CTNND2: variants seen among roughly 807,000 people sequenced by gnomAD.
CTNND2 encodes catenin delta 2.
A neutral mutation model predicts 144.4 loss-of-function variants in CTNND2; 22 were observed. That is an observed-to-expected ratio of 0.15 (90% CI 0.11 to 0.22). The LOEUF is 0.22. CTNND2 is among the 10% of genes least tolerant of loss of function. The pLI is 1.00. For synonymous variants in CTNND2, 751 were observed against 695.6 expected, an observed-to-expected ratio of 1.08 and a Z score of -1.25; for missense variants, 1,353 against 1,618.8, an observed-to-expected ratio of 0.84 and a Z score of 2.82.
At chr5:11,417,941 A>C (rs1440926926) in intron 3 of CTNND2, among the ~76,000 whole-genome samples, 6 of 152,172 alleles carry the variant, frequency 3.9e-5, no homozygotes, top group African/African-American at 1.4e-4. Context: ...ATATGACTAC[A>C]TATCATATAT....
chr5:11,557,839 C>G, intron 3 of CTNND2, among the ~76,000 whole-genome samples: 1 of 152,160 alleles, frequency 6.6e-6, no homozygotes, highest in East Asian at 1.9e-4. Context: ...ACCTAATAAT[C>G]CTTGGAACCA....
chr5:11,865,906 A>AAAAAAAAAAAG, intron 1 of CTNND2, among the ~76,000 whole-genome samples: 1 of 149,270 alleles, frequency 6.7e-6, no homozygotes. Context: ...AAGAGACAAA[A>AAAAAAAAAAAG]AAAAAAAAAC....
chr5:10,975,024 C>G (rs999980761), intron 21 of CTNND2, among the ~76,000 whole-genome samples: 1 of 152,144 alleles, frequency 6.6e-6, no homozygotes, highest in Non-Finnish European at 1.5e-5. Context: ...TTCTGTCTAC[C>G]TACAGAAGTC....
chr5:11,079,259 A>AATGGAATCTTGAGCTCTTTGCCTATTG (rs1749285924), intron 16 of CTNND2, among the ~76,000 whole-genome samples: 1 of 121,686 alleles, frequency 8.2e-6, no homozygotes, highest in African/African-American at 3.9e-5. Flanking sequence ...AGTTCCCAAG[A>AATGGAATCTTGAGCTCTTTGCCTATTG]TCACCTGCAC....
chr5:11,671,964 G>A (rs1196317249), intron 2 of CTNND2, among the ~76,000 whole-genome samples: 1 of 152,142 alleles, frequency 6.6e-6, no homozygotes, highest in Non-Finnish European at 1.5e-5. Context: ...GGGGGTCTCT[G>A]AGTAGATGTC....
intron 7 of CTNND2, among the ~76,000 whole-genome samples, chr5:11,373,308 C>T (rs915196939): frequency 4.6e-5 from 7 of 152,172 alleles, no homozygotes; most frequent in Non-Finnish European, 1.0e-4. Flanking sequence ...AACTCCTGAG[C>T]TCAAGTGATC....
At chr5:11,176,162 T>G (rs1760460669) in intron 11 of CTNND2, among the ~76,000 whole-genome samples, 1 of 152,184 alleles carries the variant, frequency 6.6e-6, no homozygotes, top group African/African-American at 2.4e-5. Context: ...ATATCATTAT[T>G]TTTCCTTCTT....
At chr5:11,537,165 T>C (rs1425779747) in intron 3 of CTNND2, among the ~76,000 whole-genome samples, 1 of 152,188 alleles carries the variant, frequency 6.6e-6, no homozygotes. Flanking sequence ...ACTCTTTTTA[T>C]AGATACGAAT....
intron 6 of CTNND2, among the ~76,000 whole-genome samples, chr5:11,388,256 C>T (rs1162894669): frequency 1.3e-5 from 2 of 152,212 alleles, no homozygotes; most frequent in East Asian, 1.9e-4. Context: ...AAGCCATTAT[C>T]AACTAGAGCA....
intron 1 of CTNND2, among the ~76,000 whole-genome samples, chr5:11,761,984 T>C (rs1789291139): frequency 6.6e-6 from 1 of 152,174 alleles, no homozygotes; most frequent in East Asian, 1.9e-4. Context: ...TTAAGTGACA[T>C]TAGTCAAATA....
intron 2 of CTNND2, among the ~76,000 whole-genome samples, chr5:11,710,931 A>G (rs1785990234): frequency 6.6e-6 from 1 of 152,222 alleles, no homozygotes; most frequent in Non-Finnish European, 1.5e-5. Flanking sequence ...AAGAAAAACA[A>G]GTTTTAACCC....
intron 1 of CTNND2, among the ~76,000 whole-genome samples, chr5:11,849,093 G>C (rs546502128): frequency 3.2e-4 from 48 of 152,256 alleles, no homozygotes; most frequent in Non-Finnish European, 6.5e-4. Context: ...AGAAAAAAAG[G>C]TTTAATGGAC....
chr5:11,688,456 CA>C (rs1311012155), intron 2 of CTNND2, among the ~76,000 whole-genome samples: 1 of 152,188 alleles, frequency 6.6e-6, no homozygotes, highest in East Asian at 1.9e-4. Context: ...GGGAAATAAG[CA>C]TATGCCTTCC....
At chr5:11,016,514 T>C (rs941210104) in intron 18 of CTNND2, among the ~76,000 whole-genome samples, 1 of 152,190 alleles carries the variant, frequency 6.6e-6, no homozygotes, top group Middle Eastern at 3.2e-3. Context: ...TGTGAGCCCC[T>C]TACTGTGGTC....
At position 11,121,099 on chromosome 5, in the gene CTNND2, T is replaced by C. The variant is rs141002072; in HGVS notation, c.2160-3532A>G. Among the ~76,000 whole-genome samples the C allele has an allele frequency of 4.5e-3, 689 of 152,316 alleles. 2 individuals are homozygous for C. The highest frequency in any genetic ancestry group is 7.4e-3 in the Admixed American group (114 of 15,308). On this transcript the variant is annotated intron_variant, in intron 12 of 21. Transcript: ENST00000304623. ...ATGTCAGCTTATGATTGAAATAGCA[T>C]AAGCTTGTTAGTACATGATACAGCT... is the stretch of plus-strand genomic sequence containing the variant.
intron 5 of CTNND2, among the ~76,000 whole-genome samples, chr5:11,400,471 T>C (rs569881606): frequency 2.8e-4 from 42 of 152,312 alleles, no homozygotes; most frequent in African/African-American, 9.4e-4. Flanking sequence ...CATGATAGAA[T>C]AGTCCTCAGA....
chr5:11,014,750 G>A (rs1741432894), intron 18 of CTNND2, among the ~76,000 whole-genome samples: 1 of 152,078 alleles, frequency 6.6e-6, no homozygotes, highest in Non-Finnish European at 1.5e-5. Flanking sequence ...TGACATTCTG[G>A]CCTCTGTACC....
chr5:11,126,830 C>G (rs994981030), intron 12 of CTNND2, among the ~76,000 whole-genome samples: 3 of 152,210 alleles, frequency 2.0e-5, no homozygotes, highest in Non-Finnish European at 4.4e-5. Context: ...TTCACACTTA[C>G]AGCAGCAAGT....
chr5:11,173,670 A>C (rs1040211344), intron 11 of CTNND2, among the ~76,000 whole-genome samples: 15 of 152,216 alleles, frequency 9.9e-5, no homozygotes, highest in Admixed American at 2.0e-4. Flanking sequence ...GTGGATCAAT[A>C]GCATTAAATA....
Sources: gnomAD v4.1 joint callset for allele counts (sites outside exome capture counted in the v4.1 genomes callset) on GRCh38, gnomAD v4.1.1 for gene constraint, MANE v1.5 for transcripts, NCBI Gene and HGNC (gene_info 2026-07-23, HGNC 2026-07-21) for gene names.